Variants in CEP112 observed in about 807,000 individuals in gnomAD.
The protein encoded by CEP112 is centrosomal protein of 112 kDa.
Under a neutral mutation model 153.0 loss-of-function variants are expected in CEP112, and 127 were observed. The ratio of observed to expected loss-of-function variants is 0.83; its 90% CI spans 0.72 to 0.96. CEP112 has a LOEUF of 0.96. Ranked by LOEUF, CEP112 falls within the 40% of genes least tolerant of loss-of-function variation. CEP112 has a pLI of 0.00. For synonymous variants in CEP112, 358 were observed against 374.4 expected, an observed-to-expected ratio of 0.96 and a Z score of 0.51; for missense variants, 1,089 against 1,101.2, an observed-to-expected ratio of 0.99 and a Z score of 0.16.
At chr17:65,890,324 A>T (rs2059419339) in intron 20 of CEP112, among the ~76,000 whole-genome samples, 1 of 152,228 alleles carries the variant, frequency 6.6e-6, no homozygotes, top group Non-Finnish European at 1.5e-5. Context: ...TCAACATGGT[A>T]CGTGTTCTTC....
chr17:65,902,401 A>C (rs1167105672), intron 19 of CEP112, 67 bp from the exon 20 acceptor site: 1 of 1,309,560 alleles, frequency 7.6e-7, no homozygotes, highest in African/African-American at 1.5e-5. Flanking sequence ...ACTCATGTAC[A>C]GCTTAATTTT....
At chr17:65,677,525 G>A (rs983115394) in intron 24 of CEP112, among the ~76,000 whole-genome samples, 1 of 152,068 alleles carries the variant, frequency 6.6e-6, no homozygotes, top group South Asian at 2.1e-4. Context: ...CATTTAAATG[G>A]CCTTTTAAAC....
intron 17 of CEP112, among the ~76,000 whole-genome samples, chr17:65,970,938 ATAT>A (rs1232577351): frequency 6.7e-6 from 1 of 148,296 alleles, no homozygotes; most frequent in Non-Finnish European, 1.5e-5. Flanking sequence ...TATTGCACCC[ATAT>A]TATATTACAT....
At chr17:65,818,999 C>A (rs367665908) in intron 21 of CEP112, among the ~76,000 whole-genome samples, 49 of 152,016 alleles carry the variant, frequency 3.2e-4, no homozygotes, top group Middle Eastern at 3.4e-3. Flanking sequence ...CCATATTACA[C>A]TTGTCCTCTT....
intron 17 of CEP112, among the ~76,000 whole-genome samples, chr17:65,972,061 G>T (rs1437389692): frequency 6.6e-6 from 1 of 152,106 alleles, no homozygotes; most frequent in Non-Finnish European, 1.5e-5. Context: ...AGGCCTAATG[G>T]ACACTTATGG....
intron 17 of CEP112, among the ~76,000 whole-genome samples, chr17:66,002,057 G>C (rs1358232139): frequency 2.0e-5 from 3 of 152,170 alleles, no homozygotes; most frequent in African/African-American, 7.2e-5. Context: ...TTCATTTTTA[G>C]AAACAATAGC....
Position 66,067,206 on chromosome 17 carries a change from C to T in CEP112, c.856-329G>A, listed in dbSNP as rs540391753. On this transcript the variant is annotated intron_variant, in intron 9 of 26. Transcript: ENST00000535342. ...TAGGAGGTAGAATCTATATGATCTG[C>T]CACACTTGGAAGCTTCCAAGTTGCC... is the stretch of plus-strand genomic sequence containing the variant. Among the ~76,000 whole-genome samples the T allele has an allele frequency of 6.0e-4, 91 of 152,272 alleles. 1 individual carries two copies. Among genetic ancestry groups the T allele is most frequent in the African/African-American group, 2.1e-3 (88 of 41,574 alleles).
Position 66,183,376 on chromosome 17 carries a change from G to A in CEP112, c.-8-69C>T, listed in dbSNP as rs2072795820. On this transcript the variant is annotated intron_variant, in intron 1 of 26. Transcript: ENST00000535342. Reference sequence around the variant, plus strand: ...AAAACTACAAAACTCTGATGAGAAAGATAAAAAAAACTCTTAAGTGTTAGA... The same window carrying A: ...AAAACTACAAAACTCTGATGAGAAAAATAAAAAAAACTCTTAAGTGTTAGA... 6 of 1,110,762 alleles carry A rather than the reference G, an allele frequency of 5.4e-6. No individual in the cohort carries two copies. The South Asian group carries it at 6.1e-5, about 11-fold the overall frequency. The allele number at this position is 1,110,762 out of a possible 1,614,324, so 68.8% of individuals were successfully genotyped here.
intron 24 of CEP112, among the ~76,000 whole-genome samples, chr17:65,663,515 T>C (rs1363908692): frequency 6.6e-6 from 1 of 152,180 alleles, no homozygotes; most frequent in East Asian, 1.9e-4. Context: ...GAGCTCCCTA[T>C]ATTTCTTAAA....
At chr17:65,728,287 A>G (rs1321339825) in intron 23 of CEP112, among the ~76,000 whole-genome samples, 1 of 152,204 alleles carries the variant, frequency 6.6e-6, no homozygotes, top group Non-Finnish European at 1.5e-5. Context: ...TGGAATTTGG[A>G]GAAGAGGCGA....
At chr17:65,669,843 C>T (rs892321905) in intron 24 of CEP112, among the ~76,000 whole-genome samples, 9 of 147,682 alleles carry the variant, frequency 6.1e-5, no homozygotes, top group Admixed American at 3.5e-4. Context: ...GCGGAGGTTG[C>T]GGTGAGCCGA....
At chr17:66,048,540 A>AAT (rs1441240106) in intron 12 of CEP112, among the ~76,000 whole-genome samples, 1 of 152,228 alleles carries the variant, frequency 6.6e-6, no homozygotes, top group African/African-American at 2.4e-5. Flanking sequence ...TTTTTCATAG[A>AAT]ATATATAGGC....
chr17:65,704,121 C>T (rs1330396546), intron 23 of CEP112, among the ~76,000 whole-genome samples: 3 of 151,836 alleles, frequency 2.0e-5, no homozygotes, highest in Admixed American at 1.3e-4. Context: ...GTTGGCCCTG[C>T]GACGACAGGG....
intron 6 of CEP112, among the ~76,000 whole-genome samples, chr17:66,098,215 T>G (rs994623508): frequency 1.3e-5 from 2 of 152,210 alleles, no homozygotes; most frequent in Non-Finnish European, 2.9e-5. Context: ...CCATAAATCT[T>G]CAATCATCCA....
chr17:65,637,082 AC>A lies in CEP112; in HGVS notation c.2864+41del, dbSNP rs759898873. On this transcript the variant is annotated intron_variant, in intron 26 of 26. Transcript: ENST00000535342. ...CAAGGAGGCTCACAGGTGACACAAC[AC>A]AAACTAATCAGGAGACAAGACACCT... is the stretch of plus-strand genomic sequence containing the variant. 28 of 1,499,290 alleles carry A rather than the reference AC, an allele frequency of 1.9e-5. No homozygotes were observed. In the South Asian group the frequency reaches 3.0e-4, roughly 16 times the overall value. The allele number at this position is 1,499,290 out of a possible 1,614,324, so 92.9% of individuals were successfully genotyped here.
intron 24 of CEP112, chr17:65,644,211 C>T: frequency 2.9e-6 from 2 of 685,940 alleles, no homozygotes; most frequent in South Asian, 1.7e-5. Context: ...CAGAAAGTGG[C>T]CATAGCTGGG....
At chr17:66,123,140 G>A (rs1206995615) in intron 6 of CEP112, among the ~76,000 whole-genome samples, 5 of 152,138 alleles carry the variant, frequency 3.3e-5, no homozygotes, top group African/African-American at 9.7e-5. Context: ...TGAACAAGTC[G>A]AGGTAAGGAC....
chr17:65,649,073 AACACACACACACACAC>A (rs71158400), intron 24 of CEP112, among the ~76,000 whole-genome samples: 75 of 139,966 alleles, frequency 5.4e-4, no homozygotes, highest in South Asian at 2.1e-3. Flanking sequence ...CAAACAAACA[AACACACACACACACAC>A]ACACACACAC....
At chr17:65,637,486 C>CTGCTTCCACAAAGAG (rs1484474168) in intron 25 of CEP112, among the ~76,000 whole-genome samples, 9 of 152,254 alleles carry the variant, frequency 5.9e-5, no homozygotes, top group Non-Finnish European at 1.0e-4. Flanking sequence ...TGCTTCCACA[C>CTGCTTCCACAAAGAG]CGTGTCTTTC....
Sources: allele counts gnomAD v4.1 joint callset (sites outside exome capture counted in the v4.1 genomes callset), GRCh38; gene constraint gnomAD v4.1.1; transcripts MANE v1.5; gene names NCBI Gene and HGNC (gene_info 2026-07-23, HGNC 2026-07-21).